The following RUFY2 variants were observed in gnomAD, a reference collection of about 807,000 sequenced individuals.
RUFY2 encodes the protein RUN and FYVE domain-containing protein 2.
A neutral mutation model predicts 94.4 loss-of-function variants in RUFY2; 49 were observed. The observed-to-expected ratio is 0.52, with a 90% CI of 0.41 to 0.66. The LOEUF is 0.66. RUFY2 is among the 30% of genes least tolerant of loss of function. The pLI is 0.00. For synonymous variants in RUFY2, 255 were observed against 235.7 expected (o/e 1.08, Z -0.75); for missense variants, 541 against 692.8 (o/e 0.78, Z 2.46).
At chr10:68,356,827 G>A (rs1450214584) in intron 15 of RUFY2, among the ~76,000 whole-genome samples, 2 of 151,830 alleles carry the variant, frequency 1.3e-5, no homozygotes, top group African/African-American at 2.4e-5. Flanking sequence ...GGGACTACAG[G>A]TGTGAGCCAC....
chr10:68,376,460 ATAT>A (rs1397086540), intron 13 of RUFY2, among the ~76,000 whole-genome samples: 1 of 28,118 alleles, frequency 3.6e-5, no homozygotes, highest in Non-Finnish European at 7.6e-5. Flanking sequence ...ATATATATAT[ATAT>A]ATATATATAT....
At chr10:68,366,267 T>G (rs1408033637) in intron 13 of RUFY2, among the ~76,000 whole-genome samples, 4 of 144,038 alleles carry the variant, frequency 2.8e-5, no homozygotes, top group Non-Finnish European at 6.0e-5. Context: ...GAGGCGGAGG[T>G]TGCAGTAAGC....
At chr10:68,393,054 AG>A (rs1483019504) in intron 7 of RUFY2, 83 bp downstream of exon 7, 1 of 611,648 alleles carries the variant, frequency 1.6e-6, no homozygotes. Context: ...GACTCTTAGA[AG>A]AAAGGAATAC....
intron 6 of RUFY2, 138 bp downstream of exon 6, chr10:68,393,937 G>C: frequency 7.1e-7 from 1 of 1,400,420 alleles, no homozygotes; most frequent in Non-Finnish European, 9.3e-7. Flanking sequence ...GCTTGTAATG[G>C]AAGTGAAAAT....
At chr10:68,363,174 TTTTG>T (rs2047571028) in intron 15 of RUFY2, among the ~76,000 whole-genome samples, 2 of 152,188 alleles carry the variant, frequency 1.3e-5, no homozygotes, top group Non-Finnish European at 2.9e-5. Flanking sequence ...AGAGTTTTTG[TTTTG>T]TTTAATAGTT....
chr10:68,380,637 G>A (rs1235037105), intron 11 of RUFY2, among the ~76,000 whole-genome samples: 5 of 152,006 alleles, frequency 3.3e-5, no homozygotes, highest in East Asian at 1.9e-4. Flanking sequence ...CGAGGTGGGC[G>A]GATCACCTGA....
At chr10:68,374,413 C>T (rs1286261343) in intron 13 of RUFY2, among the ~76,000 whole-genome samples, 1 of 151,802 alleles carries the variant, frequency 6.6e-6, no homozygotes, top group Admixed American at 6.6e-5. Flanking sequence ...AAAAAATTAC[C>T]AAAGACAAAG....
Position 68,386,142 on chromosome 10 carries a change from A to C in RUFY2, c.651-14T>G. ...CTGACTGTGCTGCTGAAATTAAGAA[A>C]CAAAAAAACTCATTCAAAATCACAC... On this transcript the variant is annotated splice_polypyrimidine_tract_variant and intron_variant, in intron 7 of 17. Coordinates refer to ENST00000602465, the MANE Select transcript of RUFY2 (RefSeq NM_001330103.2). 6.3e-7 allele frequency: 1 copy of C among 1,599,522 alleles called. No homozygotes were observed. Among genetic ancestry groups the C allele is most frequent in the Non-Finnish European group, 8.5e-7 (1 of 1,174,488 alleles).
At chr10:68,405,667 C>T in intron 1 of RUFY2, 1 of 975,762 alleles carries the variant, frequency 1.0e-6, no homozygotes, top group Non-Finnish European at 1.2e-6. Context: ...GTAAAATACA[C>T]TGACAAGGGG....
intron 15 of RUFY2, among the ~76,000 whole-genome samples, chr10:68,356,909 C>T (rs2047090676): frequency 6.6e-6 from 1 of 151,734 alleles, no homozygotes; most frequent in African/African-American, 2.4e-5. Flanking sequence ...CCTGTAATGC[C>T]AGCACTTTGG....
At chr10:68,354,684 GA>G (rs1359968348) in intron 16 of RUFY2, among the ~76,000 whole-genome samples, 1 of 152,144 alleles carries the variant, frequency 6.6e-6, no homozygotes, top group Admixed American at 6.6e-5. Flanking sequence ...CTATTTCAGA[GA>G]AGGAAGCTGA....
At chr10:68,346,272 G>A (rs1198815243) in intron 16 of RUFY2, 188 bp from the exon 17 acceptor site, 11 of 540,814 alleles carry the variant, frequency 2.0e-5, no homozygotes, top group Admixed American at 3.5e-5. Flanking sequence ...GGGTTGGGGA[G>A]GTGGGATGTG....
downstream of RUFY2, chr10:68,342,001 G>A (rs755404942): frequency 1.9e-6 from 3 of 1,614,088 alleles, 1 homozygote; most frequent in South Asian, 3.3e-5. Context: ...AGGCAGTGGA[G>A]GTTACTATGG....
At chr10:68,375,831 C>T (rs1486827954) in intron 13 of RUFY2, among the ~76,000 whole-genome samples, 1 of 151,696 alleles carries the variant, frequency 6.6e-6, no homozygotes, top group Non-Finnish European at 1.5e-5. Flanking sequence ...GGCACAGTGG[C>T]TCACGCCTGT....
chr10:68,361,183 A>T (rs2047441561), intron 15 of RUFY2, among the ~76,000 whole-genome samples: 1 of 151,764 alleles, frequency 6.6e-6, no homozygotes, highest in South Asian at 2.1e-4. Context: ...CTGGGGCAGA[A>T]GAATCGCTTG....
At chr10:68,349,813 C>G (rs1237136868) in intron 16 of RUFY2, among the ~76,000 whole-genome samples, 1 of 152,010 alleles carries the variant, frequency 6.6e-6, no homozygotes, top group African/African-American at 2.4e-5. Flanking sequence ...GCTGGGATTA[C>G]AGGCGTGAGC....
chr10:68,370,906 G>A (rs2048221318), intron 13 of RUFY2, among the ~76,000 whole-genome samples: 1 of 152,020 alleles, frequency 6.6e-6, no homozygotes, highest in African/African-American at 2.4e-5. Context: ...GCCAAGGTGG[G>A]TGGGTCACAA....
intron 7 of RUFY2, among the ~76,000 whole-genome samples, chr10:68,388,835 C>T (rs1331763662): frequency 2.4e-5 from 2 of 83,606 alleles, no homozygotes; most frequent in African/African-American, 7.7e-5. Context: ...AGAACCCTGT[C>T]TCAAAAAAAA....
chr10:68,388,640 G>A lies in RUFY2; in HGVS notation c.651-2512C>T, dbSNP rs547314752. On this transcript the variant is annotated intron_variant, in intron 7 of 17. Coordinates refer to ENST00000602465, the MANE Select transcript of RUFY2 (RefSeq NM_001330103.2). The stretch of plus-strand genomic sequence containing the variant: ...TGGCCTAGCTCAGAAGTTTGAACCA[G>A]CCTGGGCAACATGGTGAAACCCCAG... 3.0e-4 allele frequency among the ~76,000 whole-genome samples: 46 copies of A among 152,080 alleles called. 1 individual carries two copies. Among genetic ancestry groups the A allele is most frequent in the African/African-American group, 1.1e-3 (44 of 41,508 alleles).
Sources: allele counts gnomAD v4.1 joint callset (sites outside exome capture counted in the v4.1 genomes callset), GRCh38; gene constraint gnomAD v4.1.1; transcripts MANE v1.5; gene names NCBI Gene and HGNC (gene_info 2026-07-23, HGNC 2026-07-21).